ACSF3: variants seen among roughly 807,000 people sequenced by gnomAD.
ACSF3 encodes the protein malonate--CoA ligase ACSF3, mitochondrial.
A neutral mutation model predicts 53.2 loss-of-function variants in ACSF3; 78 were observed. The ratio of observed to expected loss-of-function variants is 1.47; its 90% confidence interval spans 1.22 to 1.77. The LOEUF is 1.77. Ranked by LOEUF, ACSF3 falls within the 40% of genes most tolerant of loss-of-function variation. ACSF3 has a pLI of 0.00. For synonymous variants in ACSF3, 414 were observed against 333.1 expected (o/e 1.24, Z -2.65); for missense variants, 937 against 771.1 (o/e 1.22, Z -2.55).
At chr16:89,098,103 TG>T (rs1974833156) in intron 1 of ACSF3, among the ~76,000 whole-genome samples, 1 of 151,442 alleles carries the variant, frequency 6.6e-6, no homozygotes, top group African/African-American at 2.4e-5. Context: ...CCCAGGCTAG[TG>T]GGGAAACCAG....
chr16:89,098,468 G>C (rs566779276), intron 1 of ACSF3, 123 bp from the exon 2 acceptor site: 3 of 359,436 alleles, frequency 8.3e-6, no homozygotes, highest in South Asian at 6.2e-5. Flanking sequence ...AGCTTTATTT[G>C]ATAATGTTGT....
intron 1 of ACSF3, among the ~76,000 whole-genome samples, chr16:89,097,356 T>A (rs1241961906): frequency 6.6e-6 from 1 of 152,264 alleles, no homozygotes; most frequent in South Asian, 2.1e-4. Context: ...AGGCACCTTC[T>A]ATATTGAGTG....
chr16:89,154,134 T>C lies in ACSF3; in HGVS notation c.1658T>C (p.Val553Ala). Residue 553 changes from valine (V) to alanine (A), a missense_variant, in exon 11 of 11, where the codon GTG becomes GCG. Transcript: ENST00000614302. ...PYAVPSELVL[V>A]EEIPRNQMGK... The stretch of plus-strand genomic sequence containing the variant: ...GCGGTGCCCTCGGAGCTGGTGCTGG[T>C]GGAGGAGATCCCGCGGAACCAGATG... 2 of 1,613,154 alleles carry C rather than the reference T, an allele frequency of 1.2e-6. No homozygotes were observed. Among genetic ancestry groups the C allele is most frequent in the Non-Finnish European group, 1.7e-6 (2 of 1,179,698 alleles).
chr16:89,136,639 G>T (rs1261220407), intron 8 of ACSF3: 1 of 1,287,106 alleles, frequency 7.8e-7, no homozygotes, highest in African/African-American at 1.5e-5. Context: ...GCCGAGGCCG[G>T]CCTGCAGCTC....
At chr16:89,109,733 G>A (rs1047688312) in intron 4 of ACSF3, among the ~76,000 whole-genome samples, 3 of 151,994 alleles carry the variant, frequency 2.0e-5, no homozygotes, top group Non-Finnish European at 4.4e-5. Flanking sequence ...CATTTTTTGT[G>A]TTTATTTTTA....
chr16:89,094,079 C>G (rs1974325721), intron 1 of ACSF3, 83 bp downstream of exon 1: 1 of 151,222 alleles, frequency 6.6e-6, no homozygotes, highest in African/African-American at 2.4e-5. Flanking sequence ...GCGCCCGCCC[C>G]TGGGTCGCAG....
intron 8 of ACSF3, among the ~76,000 whole-genome samples, chr16:89,140,390 C>G (rs894994349): frequency 2.6e-5 from 4 of 152,238 alleles, no homozygotes; most frequent in African/African-American, 9.6e-5. Flanking sequence ...GCACCTGTTC[C>G]AGGCTTGGAG....
intron 8 of ACSF3, among the ~76,000 whole-genome samples, chr16:89,134,055 C>T (rs139005619): frequency 2.6e-5 from 4 of 152,300 alleles, no homozygotes; most frequent in Middle Eastern, 3.4e-3. Flanking sequence ...GTGGATATTT[C>T]GACATTTGGA....
At chr16:89,128,676 G>T (rs1294365974) in intron 7 of ACSF3, among the ~76,000 whole-genome samples, 1 of 152,240 alleles carries the variant, frequency 6.6e-6, no homozygotes. Context: ...CAAATAGTTG[G>T]ATATTTTTCC....
chr16:89,102,472 AAG>A, intron 3 of ACSF3, 130 bp from the exon 4 acceptor site: 2 of 1,076,522 alleles, frequency 1.9e-6, no homozygotes, highest in Non-Finnish European at 2.8e-6. Flanking sequence ...GGGAGCAACA[AAG>A]AGCCAGCCTT....
Position 89,100,970 on chromosome 16 carries a change from A to G in ACSF3, c.289A>G (p.Arg97Gly), listed in dbSNP as rs753248595. 6.2e-7 allele frequency: 1 copy of G among 1,613,478 alleles called. No individual in the cohort carries two copies. The highest frequency in any genetic ancestry group is 2.2e-5 in the East Asian group (1 of 44,872). Residue 97 changes from arginine to glycine, a missense_variant, in exon 3 of 11, where the codon AGG becomes GGG. Coordinates refer to ENST00000614302, the MANE Select transcript of ACSF3 (RefSeq NM_001243279.3). ...TGTCGGCGGGGACCTCCGGGAGGAG[A>G]GGGTCTCCTTCCTATGCGCTAACGA... ...GCVGGDLREE[R>G]VSFLCANDAS...
At chr16:89,119,129 A>G (rs1567710123) in intron 6 of ACSF3, among the ~76,000 whole-genome samples, 1 of 151,394 alleles carries the variant, frequency 6.6e-6, no homozygotes, top group Non-Finnish European at 1.5e-5. Flanking sequence ...TGTGGGGGCC[A>G]CTCCTTGAGC....
At position 89,096,040 on chromosome 16, in the gene ACSF3, A is replaced by G. The variant is rs547401058; in HGVS notation, c.-194+2044A>G. Among the ~76,000 whole-genome samples, 4 of 152,144 alleles carry G rather than the reference A, an allele frequency of 2.6e-5. No individual in the cohort carries two copies. The East Asian group carries it at 7.7e-4, about 29-fold the overall frequency. On this transcript the variant is annotated intron_variant, in intron 1 of 10. Transcript: ENST00000614302. ...TCTGATCTCAGAACCTGATGGCTAG[A>G]ACACCGAGAGGTCCTGCCTCCCTCC...
intron 10 of ACSF3, chr16:89,153,734 C>T: frequency 2.8e-6 from 1 of 359,742 alleles, no homozygotes; most frequent in Non-Finnish European, 5.3e-6. Context: ...ATGGGGCCTT[C>T]CAGCTCCAGT....
chr16:89,100,856 C>G lies in ACSF3; in HGVS notation c.175C>G (p.Leu59Val). 1 of 1,613,644 alleles carries G rather than the reference C, an allele frequency of 6.2e-7. No individual in the cohort carries two copies. Among genetic ancestry groups the G allele is most frequent in the Non-Finnish European group, 8.5e-7 (1 of 1,180,034 alleles). The change falls in exon 3 of 11, where the codon CTG becomes GTG. Residue 59 changes from leucine (L) to valine (V), a missense_variant. Transcript: ENST00000614302. ...RALAFGDRIALVDQHGRHTYR... is the reference protein window; with the variant it reads ...RALAFGDRIAVVDQHGRHTYR... ...CCTGGCCTTTGGGGACAGAATCGCC[C>G]TGGTTGACCAGCACGGCCGCCACAC...
At chr16:89,143,332 G>C (rs1396127254) in intron 8 of ACSF3, among the ~76,000 whole-genome samples, 1 of 152,178 alleles carries the variant, frequency 6.6e-6, no homozygotes, top group Non-Finnish European at 1.5e-5. Flanking sequence ...CAGCCTTGGG[G>C]GCAGGCAGTG....
At chr16:89,128,799 G>A (rs1908681911) in intron 7 of ACSF3, among the ~76,000 whole-genome samples, 1 of 152,146 alleles carries the variant, frequency 6.6e-6, no homozygotes, top group South Asian at 2.1e-4. Flanking sequence ...CCAGAATGTG[G>A]TTTCTTTTCA....
intron 3 of ACSF3, among the ~76,000 whole-genome samples, chr16:89,101,913 A>C (rs956167484): frequency 1.3e-5 from 2 of 152,238 alleles, no homozygotes; most frequent in African/African-American, 4.8e-5. Flanking sequence ...CGCCATGAGC[A>C]CACAGCAGGC....
chr16:89,099,689 G>C (rs1366903677), intron 2 of ACSF3, among the ~76,000 whole-genome samples: 1 of 151,970 alleles, frequency 6.6e-6, no homozygotes, highest in African/African-American at 2.4e-5. Context: ...GGCTGAGGCA[G>C]GAGAATCACT....
Sources: gnomAD v4.1 joint callset for allele counts (sites outside exome capture counted in the v4.1 genomes callset) on GRCh38, gnomAD v4.1.1 for gene constraint, MANE v1.5 for transcripts, NCBI Gene and HGNC (gene_info 2026-07-23, HGNC 2026-07-21) for gene names.